PTPRN2: variants seen among roughly 807,000 people sequenced by gnomAD.
The protein encoded by PTPRN2 is receptor-type tyrosine-protein phosphatase N2.
In PTPRN2, 74 loss-of-function variants were observed where a neutral mutation model predicts 118.8. That is an observed-to-expected ratio of 0.62 (90% CI 0.52 to 0.76). The LOEUF is 0.76. PTPRN2 is among the 30% of genes least tolerant of loss of function. The pLI, the probability that PTPRN2 is intolerant of heterozygous loss-of-function variation, is 0.00. For synonymous variants in PTPRN2, 641 were observed against 608.0 expected (o/e 1.05, Z -0.80); for missense variants, 1,481 against 1,394.4 (o/e 1.06, Z -0.99).
chr7:158,583,400 C>T (rs1039005840), intron 1 of PTPRN2, among the ~76,000 whole-genome samples: 3 of 152,134 alleles, frequency 2.0e-5, no homozygotes, highest in African/African-American at 7.2e-5. Flanking sequence ...TCCCGCTGTG[C>T]ACCATGATGG....
At chr7:158,229,862 GAAA>G (rs2150819604) in intron 3 of PTPRN2, among the ~76,000 whole-genome samples, 1 of 152,200 alleles carries the variant, frequency 6.6e-6, no homozygotes, top group East Asian at 1.9e-4. Context: ...CAAAACTTGA[GAAA>G]GACATAAACA....
At chr7:158,374,744 G>A (rs1810372389) in intron 2 of PTPRN2, among the ~76,000 whole-genome samples, 1 of 152,136 alleles carries the variant, frequency 6.6e-6, no homozygotes, top group Non-Finnish European at 1.5e-5. Flanking sequence ...CTTTAGACCT[G>A]GAGAAACCAA....
chr7:158,270,672 C>T (rs1017278169), intron 3 of PTPRN2, among the ~76,000 whole-genome samples: 9 of 151,772 alleles, frequency 5.9e-5, no homozygotes, highest in Admixed American at 2.0e-4. Context: ...CTGGCTGTCC[C>T]TCTCCCTGGG....
intron 1 of PTPRN2, among the ~76,000 whole-genome samples, chr7:158,539,079 T>A (rs1825821028): frequency 6.6e-6 from 1 of 152,102 alleles, no homozygotes; most frequent in South Asian, 2.1e-4. Flanking sequence ...GGAAAAGCCA[T>A]GCCCCCCGTG....
At chr7:157,790,997 C>T (rs1804453639) in intron 12 of PTPRN2, among the ~76,000 whole-genome samples, 1 of 152,102 alleles carries the variant, frequency 6.6e-6, no homozygotes, top group Non-Finnish European at 1.5e-5. Flanking sequence ...CACATGCAAA[C>T]TGATAAAGCC....
chr7:158,045,707 C>T lies in PTPRN2; in HGVS notation c.1723+35591G>A, dbSNP rs117692872. 9.9e-3 allele frequency among the ~76,000 whole-genome samples: 1,504 copies of T among 152,318 alleles called. 21 individuals carry two copies. Among genetic ancestry groups the T allele is most frequent in the Non-Finnish European group, 0.013 (882 of 68,020 alleles). ...AGACCCAGGAGCAGAACCTGTGATC[C>T]TGGCGTCCTGACACTGCCTTGTTCT... On this transcript the variant is annotated intron_variant, in intron 11 of 22. Transcript: ENST00000389418.
chr7:158,523,856 G>A (rs1204499090), intron 1 of PTPRN2, among the ~76,000 whole-genome samples: 3 of 47,796 alleles, frequency 6.3e-5, no homozygotes, highest in African/African-American at 2.1e-4. Context: ...GAGTGGAGTC[G>A]TCTACCCTGG....
intron 15 of PTPRN2, among the ~76,000 whole-genome samples, chr7:157,612,380 C>T (rs1422587934): frequency 2.0e-5 from 3 of 152,196 alleles, no homozygotes; most frequent in East Asian, 1.9e-4. Context: ...CTCGTCTGTG[C>T]GAGCAGCGCA....
chr7:157,627,020 G>T lies in PTPRN2; in HGVS notation c.2197-5511C>A, dbSNP rs1173931927. Among the ~76,000 whole-genome samples, 1 of 152,200 alleles carries T rather than the reference G, an allele frequency of 6.6e-6. No homozygotes were observed. Among genetic ancestry groups the T allele is most frequent in the Non-Finnish European group, 1.5e-5 (1 of 68,028 alleles). On this transcript the variant is annotated intron_variant, in intron 14 of 22. Coordinates refer to ENST00000389418, the MANE Select transcript of PTPRN2 (RefSeq NM_002847.5). This position sits in a 1 kb window ranked among gnomAD's most constrained non-coding sequence, Gnocchi z 4.2. ...ACAGCAGTCGTATAAATTTGGAAGG[G>T]CAACAGTTCAGAGAGCTCTTCTCTA... is the stretch of plus-strand genomic sequence containing the variant.
chr7:158,433,467 G>GT (rs1394588032), intron 2 of PTPRN2, among the ~76,000 whole-genome samples: 1 of 152,016 alleles, frequency 6.6e-6, no homozygotes, highest in African/African-American at 2.4e-5. Flanking sequence ...TGATCACAGG[G>GT]TAAAAAAAAT....
chr7:157,919,094 G>A (rs1798561856), intron 11 of PTPRN2, among the ~76,000 whole-genome samples: 2 of 152,188 alleles, frequency 1.3e-5, no homozygotes, highest in Non-Finnish European at 2.9e-5. Context: ...GGGTCCTACA[G>A]CGGGCCCGAG....
chr7:158,432,360 G>A (rs1816279478), intron 2 of PTPRN2, among the ~76,000 whole-genome samples: 1 of 152,164 alleles, frequency 6.6e-6, no homozygotes, highest in Non-Finnish European at 1.5e-5. Flanking sequence ...GACTACAAAC[G>A]ACAAAGTCCT....
intron 13 of PTPRN2, 26 bp downstream of exon 13, chr7:157,682,699 C>T (rs1563339813): frequency 1.3e-6 from 2 of 1,590,988 alleles, no homozygotes; most frequent in East Asian, 4.5e-5. Flanking sequence ...ATCCGATATA[C>T]CACTTTTTAA....
intron 11 of PTPRN2, among the ~76,000 whole-genome samples, chr7:158,070,773 G>T (rs199780672): frequency 2.4e-5 from 3 of 124,080 alleles, no homozygotes; most frequent in African/African-American, 1.2e-4. Flanking sequence ...AGGTGCTCAT[G>T]GTGGAGGTGC....
intron 2 of PTPRN2, among the ~76,000 whole-genome samples, chr7:158,334,630 C>T (rs1184697131): frequency 4.9e-5 from 5 of 101,188 alleles, no homozygotes; most frequent in African/African-American, 1.3e-4. Context: ...GCAGACGTCA[C>T]TCACACCCAC....
At chr7:158,376,920 G>A (rs58140880) in intron 2 of PTPRN2, among the ~76,000 whole-genome samples, 25 of 24,930 alleles carry the variant, frequency 1.0e-3, no homozygotes, top group East Asian at 2.0e-3. Flanking sequence ...CCTGTCACAC[G>A]TCCTGCACGC....
At chr7:158,278,652 G>A (rs1031094420) in intron 3 of PTPRN2, among the ~76,000 whole-genome samples, 8 of 152,250 alleles carry the variant, frequency 5.3e-5, no homozygotes, top group East Asian at 3.9e-4. Flanking sequence ...GAATGAAGCC[G>A]CGGACCCTCG....
At chr7:158,262,305 TCA>T (rs1234424835) in intron 3 of PTPRN2, among the ~76,000 whole-genome samples, 1 of 146,660 alleles carries the variant, frequency 6.8e-6, no homozygotes, top group African/African-American at 2.5e-5. Flanking sequence ...GCACACACAT[TCA>T]CACACTGCAC....
intron 12 of PTPRN2, among the ~76,000 whole-genome samples, chr7:157,727,677 C>A (rs557918504): frequency 6.6e-5 from 10 of 152,216 alleles, no homozygotes; most frequent in Admixed American, 1.3e-4. Context: ...TAGGACGATC[C>A]ATTTTCTGTT....
Sources: gnomAD v4.1 joint callset for allele counts (sites outside exome capture counted in the v4.1 genomes callset) on GRCh38, gnomAD v4.1.1 for gene constraint, Gnocchi (gnomAD v3.1) non-coding constraint, MANE v1.5 for transcripts, NCBI Gene and HGNC (gene_info 2026-07-23, HGNC 2026-07-21) for gene names.